DST: variants seen among roughly 807,000 people sequenced by gnomAD.
DST encodes the protein dystonin.
DST carries 253 observed loss-of-function variants against 875.2 expected under a neutral mutation model. The observed-to-expected ratio is 0.29, with a 90% CI of 0.26 to 0.32. DST has a LOEUF of 0.32. Ranked by LOEUF, DST falls within the 10% of genes least tolerant of loss-of-function variation. The pLI is 1.00. For synonymous variants in DST, 3,124 were observed against 3,197.1 expected (o/e 0.98, Z 0.77); for missense variants, 8,287 against 9,111.6 (o/e 0.91, Z 3.68).
Position 56,468,840 on chromosome 6 carries a change from T to C in DST, c.22569+142A>G, listed in dbSNP as rs1439368752. 14 of 608,274 alleles carry C rather than the reference T, an allele frequency of 2.3e-5. No individual in the cohort carries two copies. In the East Asian group the frequency reaches 3.3e-4, roughly 14 times the overall value. 37.7% of individuals were successfully genotyped at this position (608,274 alleles called of 1,614,324 possible). The stretch of plus-strand genomic sequence containing the variant: ...CTGGATCAAGGACCCTTATAGCGTT[T>C]ACAGAAACACCACGCCAACCAACAA... On this transcript the variant is annotated intron_variant, in intron 98 of 103. Transcript: ENST00000680361.
At chr6:56,860,661 G>T (rs2127592066) in intron 3 of DST, among the ~76,000 whole-genome samples, 1 of 152,302 alleles carries the variant, frequency 6.6e-6, no homozygotes, top group African/African-American at 2.4e-5. Flanking sequence ...GGAAGCATTA[G>T]TAAATTTTAG....
At chr6:56,905,767 G>A (rs966639823) in intron 2 of DST, among the ~76,000 whole-genome samples, 8 of 151,896 alleles carry the variant, frequency 5.3e-5, no homozygotes, top group African/African-American at 1.7e-4. Context: ...TCCTGCCTCA[G>A]CCTCCCAAGT....
chr6:56,862,148 G>A (rs1165535568), intron 3 of DST, among the ~76,000 whole-genome samples: 1 of 152,038 alleles, frequency 6.6e-6, no homozygotes, highest in Non-Finnish European at 1.5e-5. Flanking sequence ...CCACAACCAA[G>A]GCTAAAAATG....
chr6:56,712,235 C>A (rs1310202473), intron 5 of DST, among the ~76,000 whole-genome samples: 1 of 152,050 alleles, frequency 6.6e-6, no homozygotes, highest in Non-Finnish European at 1.5e-5. Context: ...TTATATAAAT[C>A]TTTCTTTAAA....
At chr6:56,511,119 T>C (rs2096466618) in intron 73 of DST, 78 bp downstream of exon 73, 20 of 1,250,738 alleles carry the variant, frequency 1.6e-5, no homozygotes, top group Non-Finnish European at 2.2e-5. Context: ...TAAAATTTAA[T>C]CAGGAAATCC....
At chr6:56,915,813 T>G (rs1800647012) in intron 2 of DST, among the ~76,000 whole-genome samples, 1 of 152,230 alleles carries the variant, frequency 6.6e-6, no homozygotes, top group Admixed American at 6.5e-5. Flanking sequence ...CAAACTGAAC[T>G]GTTAATACTT....
At chr6:56,699,552 T>C in intron 9 of DST, 101 bp downstream of exon 9, 1 of 599,404 alleles carries the variant, frequency 1.7e-6, no homozygotes. Flanking sequence ...AAGCTTGAAA[T>C]TTATTTTTCT....
At chr6:56,656,931 A>G (rs770037861) in intron 10 of DST, among the ~76,000 whole-genome samples, 21 of 152,164 alleles carry the variant, frequency 1.4e-4, no homozygotes, top group Non-Finnish European at 2.8e-4. Context: ...CCAGATTATT[A>G]CCAAAACAGA....
At chr6:56,852,751 C>T (rs866681163) in intron 3 of DST, among the ~76,000 whole-genome samples, 2 of 152,226 alleles carry the variant, frequency 1.3e-5, no homozygotes, top group Middle Eastern at 3.2e-3. Flanking sequence ...AGATGCAAAA[C>T]TGGTATAACT....
In DST at chr6:56,510,838, T is replaced by G. The variant is rs1195416042; in HGVS notation, c.18780+359A>C. Among the ~76,000 whole-genome samples, 4 of 152,312 alleles carry G rather than the reference T, an allele frequency of 2.6e-5. No homozygotes were observed. In the East Asian group the frequency reaches 7.7e-4, roughly 29 times the overall value. Reference sequence around the variant, plus strand: ...TTAGCCTATCATTCTTTCTTCTCATTGCCTTCTTGAGAGTACTTTATTAAT... The same window carrying G: ...TTAGCCTATCATTCTTTCTTCTCATGGCCTTCTTGAGAGTACTTTATTAAT... On this transcript the variant is annotated intron_variant, in intron 73 of 103. Transcript: ENST00000680361.
At chr6:56,845,308 A>C (rs1289294557) in intron 4 of DST, among the ~76,000 whole-genome samples, 4 of 152,102 alleles carry the variant, frequency 2.6e-5, no homozygotes, top group Non-Finnish European at 5.9e-5. Flanking sequence ...GTTGTGAACT[A>C]TGGACCATTT....
At chr6:56,758,552 C>T (rs752931750) in intron 4 of DST, among the ~76,000 whole-genome samples, 4 of 152,192 alleles carry the variant, frequency 2.6e-5, no homozygotes, top group Non-Finnish European at 4.4e-5. Context: ...GGGCAGGTTG[C>T]TGCTGTTCCA....
chr6:56,609,005 T>G lies in DST; in HGVS notation c.5623A>C (p.Ile1875Leu). The G allele has an allele frequency of 2.5e-6, 4 of 1,613,884 alleles. No individual in the cohort carries two copies. Among genetic ancestry groups the G allele is most frequent in the Middle Eastern group, 1.7e-4 (1 of 6,060 alleles). Residue 1875 changes from isoleucine to leucine, a missense_variant, in exon 40 of 104, where the codon ATA becomes CTA. This residue lies in a region of DST where 3,138 missense variants were observed against 3,116.6 expected (regional missense o/e 1.01). Coordinates refer to ENST00000680361, the MANE Select transcript of DST (RefSeq NM_001374736.1). ...TESMAIKVLEILLSTGSLVIP... is the reference protein window; with the variant it reads ...TESMAIKVLELLLSTGSLVIP... ...ACCAGAGAGCCTGTAGAAAGCAGTA[T>G]CTCAAGAACTTTGATGGCCATGGAT...
At chr6:56,829,346 T>C (rs1183168150) in intron 4 of DST, among the ~76,000 whole-genome samples, 2 of 152,218 alleles carry the variant, frequency 1.3e-5, no homozygotes, top group East Asian at 1.9e-4. Flanking sequence ...GTAAAAACAC[T>C]TTTAAAAGTG....
intron 47 of DST, among the ~76,000 whole-genome samples, chr6:56,596,006 C>CA (rs2098377504): frequency 2.9e-5 from 2 of 68,134 alleles, no homozygotes; most frequent in Non-Finnish European, 7.4e-5. Flanking sequence ...GACTTTCTTT[C>CA]TTTTATTTAT....
chr6:56,753,176 A>C (rs1207556971), intron 4 of DST, among the ~76,000 whole-genome samples: 1 of 152,192 alleles, frequency 6.6e-6, no homozygotes, highest in Non-Finnish European at 1.5e-5. Flanking sequence ...AGGTAGAAGA[A>C]GGCATAACTG....
At position 56,542,428 on chromosome 6, in the gene DST, T is replaced by TAAAAAAAAA. The variant is rs60688419; in HGVS notation, c.16609-5497_16609-5489dup. On this transcript the variant is annotated intron_variant, in intron 61 of 103. Transcript: ENST00000680361. ...AGCATGGTGTACTACTAAGCTTCTT[T>TAAAAAAAAA]AAAAAAAAAAAAAAAAAAAAAAAAA... 1.5e-3 allele frequency: 103 copies of TAAAAAAAAA among 68,086 alleles called. 11 individuals carry two copies. Among genetic ancestry groups the TAAAAAAAAA allele is most frequent in the African/African-American group, 6.6e-3 (101 of 15,330 alleles). The allele number at this position is 68,086 out of a possible 1,614,324, so 4.2% of individuals were successfully genotyped here.
intron 49 of DST, among the ~76,000 whole-genome samples, chr6:56,588,277 C>A (rs1389652246): frequency 6.6e-6 from 1 of 152,168 alleles, no homozygotes; most frequent in East Asian, 1.9e-4. Flanking sequence ...TCTAACACAG[C>A]TATTTCTTAG....
At chr6:56,474,960 C>CAAA (rs386407168) in intron 92 of DST, among the ~76,000 whole-genome samples, 1,976 of 31,330 alleles carry the variant, frequency 0.063, 344 homozygotes, top group Middle Eastern at 0.083. Flanking sequence ...CCCTGCCTCT[C>CAAA]AAAAAAAAAA....
Sources: gnomAD v4.1 joint callset for allele counts (sites outside exome capture counted in the v4.1 genomes callset) on GRCh38, gnomAD v4.1.1 for gene constraint, gnomAD v4.1.1 regional missense constraint, MANE v1.5 for transcripts, NCBI Gene and HGNC (gene_info 2026-07-23, HGNC 2026-07-21) for gene names.